FADS1: variants seen among roughly 807,000 people sequenced by gnomAD.
FADS1 encodes acyl-CoA (8-3)-desaturase.
FADS1 carries 17 observed loss-of-function variants against 61.6 expected under a neutral mutation model. The observed-to-expected ratio is 0.28, with a 90% CI of 0.19 to 0.41. The LOEUF (loss-of-function observed/expected upper bound fraction) is 0.41. FADS1 is among the 10% of genes least tolerant of loss of function. The pLI, the probability that FADS1 is intolerant of heterozygous loss-of-function variation, is 1.00. For synonymous variants in FADS1, 238 were observed against 258.7 expected (o/e 0.92, Z 0.77); for missense variants, 387 against 650.9 (o/e 0.59, Z 4.41).
In FADS1 at chr11:61,816,291, C is replaced by T; in HGVS notation, c.375+264G>A. Reference sequence around the variant, plus strand: ...GGCTCGGGGCTGCAGATGGAATGCACGGCAGGGAGGCGGGACCCTTTGTTT... The same window carrying T: ...GGCTCGGGGCTGCAGATGGAATGCATGGCAGGGAGGCGGGACCCTTTGTTT... On this transcript the variant is annotated intron_variant, in intron 1 of 11. Transcript: ENST00000350997. The surrounding 1 kb of genome is among the most constrained non-coding windows in gnomAD (Gnocchi z 7.0). 1 of 1,598,336 alleles carries T rather than the reference C, an allele frequency of 6.3e-7. No individual in the cohort carries two copies. Among genetic ancestry groups the T allele is most frequent in the East Asian group, 2.2e-5 (1 of 44,870 alleles).
At chr11:61,804,928 G>A (rs2066883076) in intron 6 of FADS1, 167 bp from the exon 7 acceptor site, 2 of 619,190 alleles carry the variant, frequency 3.2e-6, no homozygotes, top group South Asian at 2.0e-5. Flanking sequence ...GAACCAGCAG[G>A]CACTGAAGGT....
intron 3 of FADS1, chr11:61,811,817 A>C: frequency 2.3e-6 from 1 of 439,264 alleles, no homozygotes; most frequent in Non-Finnish European, 4.6e-6. Flanking sequence ...TGAACTCCTC[A>C]CCTCAAATGA....
chr11:61,805,129 C>T (rs2066884448), intron 6 of FADS1: 1 of 386,160 alleles, frequency 2.6e-6, no homozygotes, highest in Non-Finnish European at 4.6e-6. Context: ...CCAAGGATCC[C>T]ACACTTTTAA....
chr11:61,816,098 C>T lies in FADS1; in HGVS notation c.375+457G>A. 1.6e-6 allele frequency: 1 copy of T among 634,516 alleles called. No homozygotes were observed. The highest frequency in any genetic ancestry group is 2.8e-5 in the East Asian group (1 of 36,128). 39.3% of individuals were successfully genotyped at this position (634,516 alleles called of 1,614,324 possible). ...CTCCGCTCCTGCTGGCGAGTGGAGA[C>T]CGGCACCTAGGTCCAGACGCGGCTG... On this transcript the variant is annotated intron_variant, in intron 1 of 11. Coordinates refer to ENST00000350997, the MANE Select transcript of FADS1 (RefSeq NM_013402.7). The surrounding 1 kb of genome is among the most constrained non-coding windows in gnomAD (Gnocchi z 7.0).
intron 5 of FADS1, among the ~76,000 whole-genome samples, chr11:61,810,501 T>G (rs1163964936): frequency 6.6e-6 from 1 of 152,154 alleles, no homozygotes; most frequent in African/African-American, 2.4e-5. Context: ...GCTGGATCCT[T>G]TGCAAAATGA....
rs1464743642 is a variant in FADS1 at position 61,801,092 on chromosome 11, A to G, written c.*1319T>C. On this transcript the variant is annotated 3_prime_UTR_variant, in exon 12 of 12. Coordinates refer to ENST00000350997, the MANE Select transcript of FADS1 (RefSeq NM_013402.7). ...GTTTTAATCTTCCTATTTCTGATTT[A>G]GAAGTATGAAGTGATCATATTTAAT... is the stretch of plus-strand genomic sequence containing the variant. 1 of 152,378 alleles carries G rather than the reference A, an allele frequency of 6.6e-6. No homozygotes were observed. Among genetic ancestry groups the G allele is most frequent in the Admixed American group, 6.5e-5 (1 of 15,282 alleles). 9.4% of individuals were successfully genotyped at this position (152,378 alleles called of 1,614,324 possible). A position where few individuals can be genotyped will look rare whatever the true frequency, so the allele number is the denominator to read the frequency against.
Position 61,803,535 on chromosome 11 carries a change from C to G in FADS1, c.1152-76G>C. The G allele has an allele frequency of 7.1e-7, 1 of 1,411,462 alleles. No homozygotes were observed. The highest frequency in any genetic ancestry group is 1.0e-6 in the Non-Finnish European group (1 of 995,512). The allele number at this position is 1,411,462 out of a possible 1,614,324, so 87.4% of individuals were successfully genotyped here. A position where few individuals can be genotyped will look rare whatever the true frequency, so the allele number is the denominator to read the frequency against. On this transcript the variant is annotated intron_variant, in intron 8 of 11. Coordinates refer to ENST00000350997, the MANE Select transcript of FADS1 (RefSeq NM_013402.7). This position sits in a 1 kb window ranked among gnomAD's most constrained non-coding sequence, Gnocchi z 4.3. ...CTGATTCCCCCCTCAGATAACTGCTCCAGCCTGTCTACTTTCCCAAGCCAA... is the reference window on the plus strand; with the variant it reads ...CTGATTCCCCCCTCAGATAACTGCTGCAGCCTGTCTACTTTCCCAAGCCAA...
chr11:61,810,042 C>T (rs2135938268), intron 5 of FADS1, among the ~76,000 whole-genome samples: 2 of 152,346 alleles, frequency 1.3e-5, no homozygotes, highest in Middle Eastern at 6.8e-3. Flanking sequence ...CTGCAGCCTA[C>T]AGCCTTGGGA....
In FADS1 at chr11:61,800,196, GT is replaced by G. The variant is rs1244754734; in HGVS notation, c.*2214del. On this transcript the variant is annotated 3_prime_UTR_variant, in exon 12 of 12. Transcript: ENST00000350997. ...AACTCCTCAATTCTAAGTTTTTGTT[GT>G]TTTTTTTTTTTTTGAGACAGGGTCT... 234 of 143,412 alleles carry G rather than the reference GT, an allele frequency of 1.6e-3. No individual in the cohort carries two copies. The highest frequency in any genetic ancestry group is 3.0e-3 in the East Asian group (15 of 5,064). 8.9% of individuals were successfully genotyped at this position (143,412 alleles called of 1,614,324 possible).
chr11:61,810,372 A>G (rs769535146), intron 5 of FADS1, among the ~76,000 whole-genome samples: 21 of 152,214 alleles, frequency 1.4e-4, no homozygotes, highest in Non-Finnish European at 3.1e-4. Context: ...TGGGAGAGAA[A>G]TACAAAGTGC....
At position 61,803,429 on chromosome 11, in the gene FADS1, C is replaced by T. The variant is rs1427170854; in HGVS notation, c.1182G>A (p.Val394=). The change falls in exon 9 of 12, where the codon GTG becomes GTA. Residue 394 remains valine, a synonymous_variant. Coordinates refer to ENST00000350997, the MANE Select transcript of FADS1 (RefSeq NM_013402.7). The surrounding 1 kb of genome is among the most constrained non-coding windows in gnomAD (Gnocchi z 4.3). ...RFLESNWFVW[V]TQMNHIPMHI... is the part of the protein sequence containing the mutation. Reference sequence around the variant, plus strand: ...GCATGGGAATATGGTTCATCTGTGTCACCCACACAAACCAGTTGCTTTCCA... The same window carrying T: ...GCATGGGAATATGGTTCATCTGTGTTACCCACACAAACCAGTTGCTTTCCA... 1 of 1,614,042 alleles carries T rather than the reference C, an allele frequency of 6.2e-7. No homozygotes were observed. Among genetic ancestry groups the T allele is most frequent in the Non-Finnish European group, 8.5e-7 (1 of 1,180,020 alleles).
intron 3 of FADS1, chr11:61,812,009 G>A (rs1183112622): frequency 9.0e-6 from 3 of 332,766 alleles, no homozygotes; most frequent in Non-Finnish European, 1.2e-5. Context: ...CACCACACCT[G>A]GCCTGAAGCT....
rs1297143454 is a variant in FADS1 at position 61,800,711 on chromosome 11, G to C, written c.*1700C>G. The C allele has an allele frequency of 6.6e-6, 1 of 152,338 alleles. No individual in the cohort carries two copies. The highest frequency in any genetic ancestry group is 1.9e-4 in the East Asian group (1 of 5,332). The allele number at this position is 152,338 out of a possible 1,614,324, so 9.4% of individuals were successfully genotyped here. Reference sequence around the variant, plus strand: ...CCTAGTTTGAGGTTCTCTTCTCCCAGTGTCTAAAATGATCAATATGCCTAG... The same window carrying C: ...CCTAGTTTGAGGTTCTCTTCTCCCACTGTCTAAAATGATCAATATGCCTAG... On this transcript the variant is annotated 3_prime_UTR_variant, in exon 12 of 12. Transcript: ENST00000350997.
intron 6 of FADS1, chr11:61,805,153 C>T: frequency 3.2e-6 from 1 of 317,226 alleles, no homozygotes; most frequent in African/African-American, 2.1e-5. Flanking sequence ...GGTGCTAATA[C>T]TCTCTTACTT....
Position 61,803,848 on chromosome 11 carries a change from C to A in FADS1, c.1054-81G>T. 9.5e-7 allele frequency: 1 copy of A among 1,048,830 alleles called. No individual in the cohort carries two copies. Among genetic ancestry groups the A allele is most frequent in the Non-Finnish European group, 1.5e-6 (1 of 677,912 alleles). 65.0% of individuals were successfully genotyped at this position (1,048,830 alleles called of 1,614,324 possible). ...TCAGCAGCTCTTTGTTTGCATGGTG[C>A]AGCCATTCTCCTGGTTATCCAGACT... On this transcript the variant is annotated intron_variant, in intron 7 of 11. Coordinates refer to ENST00000350997, the MANE Select transcript of FADS1 (RefSeq NM_013402.7). The surrounding 1 kb of genome is among the most constrained non-coding windows in gnomAD (Gnocchi z 4.3).
At position 61,799,709 on chromosome 11, in the gene FADS1, G is replaced by T. The variant is rs2066841689; in HGVS notation, c.*2702C>A. 6.6e-6 allele frequency: 1 copy of T among 152,314 alleles called. No individual in the cohort carries two copies. Among genetic ancestry groups the T allele is most frequent in the South Asian group, 2.1e-4 (1 of 4,834 alleles). The allele number at this position is 152,314 out of a possible 1,614,324, so 9.4% of individuals were successfully genotyped here. A position where few individuals can be genotyped will look rare whatever the true frequency, so the allele number is the denominator to read the frequency against. ...CACACACAAAAAGAATACTGATATTGGGCCTGATTTAAAAAATGCCTCTGG... is the reference window on the plus strand; with the variant it reads ...CACACACAAAAAGAATACTGATATTTGGCCTGATTTAAAAAATGCCTCTGG... On this transcript the variant is annotated 3_prime_UTR_variant, in exon 12 of 12. Coordinates refer to ENST00000350997, the MANE Select transcript of FADS1 (RefSeq NM_013402.7).
chr11:61,816,527 T>C lies in FADS1; in HGVS notation c.375+28A>G. 1.9e-6 allele frequency: 3 copies of C among 1,597,394 alleles called. No homozygotes were observed. The highest frequency in any genetic ancestry group is 1.7e-4 in the Middle Eastern group (1 of 6,038). On this transcript the variant is annotated intron_variant, in intron 1 of 11. Transcript: ENST00000350997. The surrounding 1 kb of genome is among the most constrained non-coding windows in gnomAD (Gnocchi z 7.0). ...GCACTCAGCCTCCGGTCCCGCCCTC[T>C]CCTGTGCCCCCGCCTGGCTGCGCTC...
intron 5 of FADS1, among the ~76,000 whole-genome samples, 160 bp from the exon 6 acceptor site, chr11:61,806,884 G>C (rs1280098789): frequency 6.6e-6 from 1 of 152,196 alleles, no homozygotes; most frequent in East Asian, 1.9e-4. Context: ...CCAGCACATG[G>C]AACATGAAGC....
chr11:61,816,961 C>A lies in FADS1; in HGVS notation c.-32G>T. ...AGCCTCGTGGCGCGGGGAGCGAGAT[C>A]CCGTCCCCCGGTGGGTCTTGGGCAA... is the stretch of plus-strand genomic sequence containing the variant. On this transcript the variant is annotated 5_prime_UTR_variant, in exon 1 of 12. Transcript: ENST00000350997. This position sits in a 1 kb window ranked among gnomAD's most constrained non-coding sequence, Gnocchi z 7.0. 7.3e-7 allele frequency: 1 copy of A among 1,372,764 alleles called. No homozygotes were observed. Among genetic ancestry groups the A allele is most frequent in the Non-Finnish European group, 9.3e-7 (1 of 1,071,296 alleles). The allele number at this position is 1,372,764 out of a possible 1,614,324, so 85.0% of individuals were successfully genotyped here.
Sources: allele counts gnomAD v4.1 joint callset (sites outside exome capture counted in the v4.1 genomes callset), GRCh38; gene constraint gnomAD v4.1.1; non-coding constraint Gnocchi (gnomAD v3.1); transcripts MANE v1.5; gene names NCBI Gene and HGNC (gene_info 2026-07-23, HGNC 2026-07-21).